The following KIFAP3 variants were observed in gnomAD, a reference collection of about 807,000 sequenced individuals.
KIFAP3 encodes the protein kinesin-associated protein 3.
Under a neutral mutation model 106.5 loss-of-function variants are expected in KIFAP3, and 68 were observed. The observed-to-expected ratio is 0.64, with a 90% CI of 0.53 to 0.78. The LOEUF (loss-of-function observed/expected upper bound fraction) is 0.78. Ranked by LOEUF, KIFAP3 falls within the 30% of genes least tolerant of loss-of-function variation. KIFAP3 has a pLI of 0.00. For synonymous variants in KIFAP3, 320 were observed against 311.5 expected, an observed-to-expected ratio of 1.03 and a Z score of -0.29; for missense variants, 780 against 941.8, an observed-to-expected ratio of 0.83 and a Z score of 2.25.
At position 169,986,398 on chromosome 1, in the gene KIFAP3, C is replaced by T. The variant is rs1186674909; in HGVS notation, c.1285-1708G>A. Among the ~76,000 whole-genome samples, 6 of 151,944 alleles carry T rather than the reference C, an allele frequency of 3.9e-5. No individual in the cohort carries two copies. In the East Asian group the frequency reaches 7.7e-4, roughly 20 times the overall value. The stretch of plus-strand genomic sequence containing the variant: ...GATCTGTATGCTGAAAATTACAAAA[C>T]ACTGTAGCAGGTGAACGGCTGGCAT... On this transcript the variant is annotated intron_variant, in intron 11 of 19. Transcript: ENST00000361580.
At chr1:169,967,734 C>A (rs762931312) in intron 17 of KIFAP3, among the ~76,000 whole-genome samples, 1 of 151,780 alleles carries the variant, frequency 6.6e-6, no homozygotes, top group Non-Finnish European at 1.5e-5. Context: ...TCCCAAATAA[C>A]TGAAAAATAC....
chr1:169,992,222 A>G lies in KIFAP3; in HGVS notation c.1217T>C (p.Val406Ala). Residue 406 changes from valine (V) to alanine (A), a missense_variant, in exon 11 of 20, where the codon GTT becomes GCT. By Grantham distance (64) the Val-to-Ala change is moderately conservative (BLOSUM62 0). This residue lies in a region of KIFAP3 where 588 missense variants were observed against 678.9 expected (regional missense o/e 0.87). Transcript: ENST00000361580. ...NDNYKQIAMC[V>A]LYHISMDDRF... ...GTCATCCATGCTTATGTGGTAAAGA[A>G]CACACATTGCTATTTGTTTGTAGTT... 6.3e-7 allele frequency: 1 copy of G among 1,584,436 alleles called. No individual in the cohort carries two copies. The highest frequency in any genetic ancestry group is 8.6e-7 in the Non-Finnish European group (1 of 1,166,220).
intron 19 of KIFAP3, among the ~76,000 whole-genome samples, chr1:169,927,654 T>C (rs1200779494): frequency 1.3e-5 from 2 of 152,158 alleles, no homozygotes; most frequent in Non-Finnish European, 2.9e-5. Context: ...CATGAATTCA[T>C]GAATGAATTA....
chr1:169,953,974 A>ATAC, intron 19 of KIFAP3, 37 bp downstream of exon 19: 2 of 1,394,686 alleles, frequency 1.4e-6, no homozygotes, highest in South Asian at 1.2e-5. Flanking sequence ...AAAGCAACAG[A>ATAC]TACTACACAT....
upstream of KIFAP3, among the ~76,000 whole-genome samples, chr1:170,077,879 G>A (rs918042269): frequency 6.7e-5 from 10 of 148,266 alleles, no homozygotes; most frequent in African/African-American, 2.3e-4. Flanking sequence ...TTTGTTTTTC[G>A]GTCCTGTTTT....
chr1:170,020,580 T>A (rs768547281), intron 9 of KIFAP3, among the ~76,000 whole-genome samples: 1 of 152,154 alleles, frequency 6.6e-6, no homozygotes, highest in Non-Finnish European at 1.5e-5. Context: ...CCCGAGTAGC[T>A]GGGACTACAG....
At chr1:170,010,393 A>G (rs1476525555) in intron 10 of KIFAP3, among the ~76,000 whole-genome samples, 1 of 151,958 alleles carries the variant, frequency 6.6e-6, no homozygotes, top group East Asian at 1.9e-4. Context: ...AAAAGCTAAA[A>G]TCAAAATTCT....
intron 10 of KIFAP3, among the ~76,000 whole-genome samples, chr1:170,002,972 G>A (rs935200362): frequency 6.6e-6 from 1 of 152,064 alleles, no homozygotes; most frequent in African/African-American, 2.4e-5. Flanking sequence ...TACGTTTAAA[G>A]AACAGTTTAC....
intron 10 of KIFAP3, among the ~76,000 whole-genome samples, chr1:170,006,070 C>T (rs1667945138): frequency 6.6e-6 from 1 of 152,080 alleles, no homozygotes; most frequent in Non-Finnish European, 1.5e-5. Flanking sequence ...TCATCTGATT[C>T]TCAGAACAAA....
intron 19 of KIFAP3, among the ~76,000 whole-genome samples, chr1:169,929,828 T>A (rs1204828601): frequency 6.6e-6 from 1 of 152,152 alleles, no homozygotes; most frequent in African/African-American, 2.4e-5. Flanking sequence ...ATCTGGAGTT[T>A]ATTAAAAACA....
At chr1:170,061,914 C>T (rs1289211797) in intron 1 of KIFAP3, among the ~76,000 whole-genome samples, 1 of 152,018 alleles carries the variant, frequency 6.6e-6, no homozygotes, top group African/African-American at 2.4e-5. Flanking sequence ...GTCGCAAGGA[C>T]AGAAAGCCAA....
chr1:170,051,584 A>C (rs946973704), intron 2 of KIFAP3, among the ~76,000 whole-genome samples: 5 of 152,200 alleles, frequency 3.3e-5, no homozygotes, highest in African/African-American at 1.2e-4. Context: ...AATCGACCAC[A>C]TAATTGGGAG....
At chr1:170,074,348 C>G in intron 1 of KIFAP3, 88 bp downstream of exon 1, 1 of 1,458,794 alleles carries the variant, frequency 6.9e-7, no homozygotes, top group Non-Finnish European at 9.5e-7. Flanking sequence ...GCTAAACTAG[C>G]GTTGCCCAGT....
chr1:169,950,877 A>C lies in KIFAP3; in HGVS notation c.2273+3134T>G, dbSNP rs551713580. Among the ~76,000 whole-genome samples, 26 of 152,128 alleles carry C rather than the reference A, an allele frequency of 1.7e-4. 1 individual carries two copies. The South Asian group carries it at 3.9e-3, about 23-fold the overall frequency. The stretch of plus-strand genomic sequence containing the variant: ...TTTCACATTATGCAGCAAAATTATC[A>C]TATTGAAATATATGAATAATTATGT... On this transcript the variant is annotated intron_variant, in intron 19 of 19. Transcript: ENST00000361580.
intron 1 of KIFAP3, among the ~76,000 whole-genome samples, chr1:170,056,277 C>CA (rs1257224055): frequency 1.3e-5 from 2 of 152,064 alleles, no homozygotes; most frequent in African/African-American, 4.8e-5. Flanking sequence ...AATTACATAA[C>CA]AAAAAAGCAT....
intron 17 of KIFAP3, among the ~76,000 whole-genome samples, chr1:169,963,043 T>G (rs1178416961): frequency 1.3e-5 from 2 of 152,164 alleles, no homozygotes; most frequent in Non-Finnish European, 2.9e-5. Context: ...GTGTACAGAT[T>G]GTCACCCAGG....
At chr1:169,928,702 A>AAAAAAAAAAAAAAAAAAAAAAAAAAAAAT in intron 19 of KIFAP3, among the ~76,000 whole-genome samples, 1 of 148,066 alleles carries the variant, frequency 6.8e-6, no homozygotes, top group Admixed American at 6.7e-5. Context: ...CTGTCTCCAA[A>AAAAAAAAAAAAAAAAAAAAAAAAAAAAAT]AAAAAAAAAA....
intron 16 of KIFAP3, among the ~76,000 whole-genome samples, chr1:169,977,548 A>G (rs1172751205): frequency 2.6e-5 from 4 of 152,160 alleles, no homozygotes; most frequent in Admixed American, 2.0e-4. Context: ...CTTAGTAAGT[A>G]GCAAAAGGTA....
chr1:170,032,257 T>C (rs1212120756), intron 7 of KIFAP3: 1 of 255,912 alleles, frequency 3.9e-6, no homozygotes, highest in African/African-American at 2.2e-5. Flanking sequence ...CCTCACCAAA[T>C]ACTTGAATTC....
Sources: gnomAD v4.1 joint callset for allele counts (sites outside exome capture counted in the v4.1 genomes callset) on GRCh38, gnomAD v4.1.1 for gene constraint, gnomAD v4.1.1 regional missense constraint, MANE v1.5 for transcripts, NCBI Gene and HGNC (gene_info 2026-07-23, HGNC 2026-07-21) for gene names.